The following PROKR1 variants were observed in gnomAD, a reference collection of about 807,000 sequenced individuals.
PROKR1 encodes the protein G protein-coupled receptor 73.
Under a neutral mutation model 22.8 loss-of-function variants are expected in PROKR1, and 21 were observed. The ratio of observed to expected loss-of-function variants is 0.92; its 90% confidence interval spans 0.65 to 1.32. PROKR1 has a LOEUF of 1.32. Ranked by LOEUF, PROKR1 falls within the 40% of genes most tolerant of loss-of-function variation. PROKR1 has a pLI of 0.00. For synonymous variants in PROKR1, 193 were observed against 207.5 expected, an observed-to-expected ratio of 0.93 and a Z score of 0.60; for missense variants, 548 against 514.2, an observed-to-expected ratio of 1.07 and a Z score of -0.64.
At chr2:68,647,236 ATCTT>A (rs1399842945) in intron 2 of PROKR1, among the ~76,000 whole-genome samples, 1 of 152,184 alleles carries the variant, frequency 6.6e-6, no homozygotes, top group Non-Finnish European at 1.5e-5. Flanking sequence ...GCCTCTGCAT[ATCTT>A]TCTTCAACTT....
chr2:68,646,214 G>C lies in PROKR1; in HGVS notation c.393G>C (p.Glu131Asp), dbSNP rs776242923. 4.3e-6 allele frequency: 7 copies of C among 1,612,456 alleles called. No individual in the cohort carries two copies. In the Admixed American group the frequency reaches 1.2e-4, roughly 27 times the overall value. The change falls in exon 2 of 3, where the codon GAG becomes GAC. Residue 131 changes from glutamate to aspartate, a missense_variant. Glu to Asp is a conservative substitution (Grantham distance 45, BLOSUM62 2). Coordinates refer to ENST00000303786, the MANE Select transcript of PROKR1 (RefSeq NM_138964.4). Reference protein sequence around the residue: ...DYYVVRQLSWEHGHVLCTSVN... With the variant: ...DYYVVRQLSWDHGHVLCTSVN... ...ATGTGGTGCGCCAGCTCTCCTGGGA[G>C]CACGGCCACGTCCTGTGCACCTCTG...
chr2:68,653,289 C>A (rs893301743), intron 2 of PROKR1, among the ~76,000 whole-genome samples: 1 of 152,164 alleles, frequency 6.6e-6, no homozygotes, highest in Non-Finnish European at 1.5e-5. Flanking sequence ...AGAGTGGGCG[C>A]AACCCATCCT....
chr2:68,647,688 TCC>T (rs56959341), intron 2 of PROKR1, among the ~76,000 whole-genome samples: 14,311 of 152,130 alleles, frequency 0.094, 1,969 homozygotes, highest in African/African-American at 0.3. Context: ...AAACTCTGCC[TCC>T]CTTCTCTAGG....
intron 2 of PROKR1, among the ~76,000 whole-genome samples, chr2:68,652,640 T>C (rs919700902): frequency 6.6e-6 from 1 of 151,676 alleles, no homozygotes; most frequent in African/African-American, 2.4e-5. Flanking sequence ...AATTGCTGTG[T>C]ATACAGAATA....
rs180712381 is a variant in PROKR1 at position 68,655,699 on chromosome 2, C to G, written c.*123C>G. 5 of 906,908 alleles carry G rather than the reference C, an allele frequency of 5.5e-6. No homozygotes were observed. In the Admixed American group the frequency reaches 1.0e-4, roughly 19 times the overall value. 56.2% of individuals were successfully genotyped at this position (906,908 alleles called of 1,614,324 possible). The stretch of plus-strand genomic sequence containing the variant: ...CAGAGGGTAAAGTAAATGGACCACT[C>G]TGTGAGCAATGTTTTCAAGGAGCTC... On this transcript the variant is annotated 3_prime_UTR_variant, in exon 3 of 3. Transcript: ENST00000303786.
In PROKR1 at chr2:68,657,733, AG is replaced by A. The variant is rs1673501847; in HGVS notation, c.*2158del. 6.6e-6 allele frequency: 1 copy of A among 152,200 alleles called. No homozygotes were observed. Among genetic ancestry groups the A allele is most frequent in the African/African-American group, 2.4e-5 (1 of 41,448 alleles). 9.4% of individuals were successfully genotyped at this position (152,200 alleles called of 1,614,324 possible). A position where few individuals can be genotyped will look rare whatever the true frequency, so the allele number is the denominator to read the frequency against. Reference sequence around the variant, plus strand: ...GTATGACATGTTCCCCTCCAAATATAGTCAACTCCTTATTTTGGGCAGCAAA... The same window carrying A: ...GTATGACATGTTCCCCTCCAAATATATCAACTCCTTATTTTGGGCAGCAAA... On this transcript the variant is annotated 3_prime_UTR_variant, in exon 3 of 3. Coordinates refer to ENST00000303786, the MANE Select transcript of PROKR1 (RefSeq NM_138964.4).
In PROKR1 at chr2:68,645,808, C is replaced by T; in HGVS notation, c.-14C>T. 1 of 1,614,200 alleles carries T rather than the reference C, an allele frequency of 6.2e-7. No individual in the cohort carries two copies. The highest frequency in any genetic ancestry group is 1.3e-5 in the African/African-American group (1 of 75,044). The stretch of plus-strand genomic sequence containing the variant: ...GAATTCTGAGCAGTGTTGCTCACAG[C>T]ACCACCTGGCCAGATGGAGACCACC... On this transcript the variant is annotated 5_prime_UTR_variant, in exon 2 of 3. Transcript: ENST00000303786.
At position 68,645,953 on chromosome 2, in the gene PROKR1, G is replaced by A; in HGVS notation, c.132G>A (p.Met44Ile). The A allele has an allele frequency of 6.2e-7, 1 of 1,614,224 alleles. No individual in the cohort carries two copies. The highest frequency in any genetic ancestry group is 8.5e-7 in the Non-Finnish European group (1 of 1,180,038). The change falls in exon 2 of 3, where the codon ATG (methionine) becomes ATA (isoleucine). Residue 44 changes from methionine to isoleucine, a missense_variant. Transcript: ENST00000303786. ...ACTTCAGCTACAGCGACTATGATAT[G>A]CCTTTGGATGAAGATGAGGATGTGA... ...PFNFSYSDYD[M>I]PLDEDEDVTN... is the part of the protein sequence containing the mutation.
chr2:68,655,534 G>C lies in PROKR1; in HGVS notation c.1140G>C (p.Gly380=), dbSNP rs141401884. 6 of 1,614,208 alleles carry C rather than the reference G, an allele frequency of 3.7e-6. No homozygotes were observed. Among genetic ancestry groups the C allele is most frequent in the African/African-American group, 1.3e-5 (1 of 75,054 alleles). The change falls in exon 3 of 3, where the codon GGG becomes GGC. Residue 380 remains glycine, a synonymous_variant. Transcript: ENST00000303786. The part of the protein sequence containing the change: ...SSADLDLKTI[G]MPATEEVDCI... The stretch of plus-strand genomic sequence containing the variant: ...CAGACCTGGACCTCAAGACAATTGG[G>C]ATGCCTGCCACCGAAGAGGTGGACT...
chr2:68,650,687 T>G (rs1673297412), intron 2 of PROKR1, among the ~76,000 whole-genome samples: 1 of 151,636 alleles, frequency 6.6e-6, no homozygotes, highest in Non-Finnish European at 1.5e-5. Context: ...CATCTAGAGT[T>G]GGGGGTAGGG....
In PROKR1 at chr2:68,655,748, C is replaced by G. The variant is rs773003043; in HGVS notation, c.*172C>G. The G allele has an allele frequency of 1.5e-4, 102 of 668,842 alleles. No individual in the cohort carries two copies. The highest frequency in any genetic ancestry group is 3.1e-4 in the Admixed American group (13 of 41,298). 41.4% of individuals were successfully genotyped at this position (668,842 alleles called of 1,614,324 possible). On this transcript the variant is annotated 3_prime_UTR_variant, in exon 3 of 3. Coordinates refer to ENST00000303786, the MANE Select transcript of PROKR1 (RefSeq NM_138964.4). Reference sequence around the variant, plus strand: ...TCAGAGTTTCTAAAATGCATGTGACCAGACACTATCAACAGTGGCATTTGC... The same window carrying G: ...TCAGAGTTTCTAAAATGCATGTGACGAGACACTATCAACAGTGGCATTTGC...
At position 68,649,219 on chromosome 2, in the gene PROKR1, G is replaced by T. The variant is rs1673256087; in HGVS notation, c.485+2913G>T. Among the ~76,000 whole-genome samples the T allele has an allele frequency of 1.3e-5, 2 of 152,058 alleles. 1 individual carries two copies. Among genetic ancestry groups the T allele is most frequent in the South Asian group, 4.2e-4 (2 of 4,818 alleles). On this transcript the variant is annotated intron_variant, in intron 2 of 2. Coordinates refer to ENST00000303786, the MANE Select transcript of PROKR1 (RefSeq NM_138964.4). ...CTGCTTGTATTTGTCTATATTATTG[G>T]TTCCATTGTTCTCCGAGGCATCTAA...
intron 2 of PROKR1, among the ~76,000 whole-genome samples, chr2:68,647,300 G>T (rs535666188): frequency 6.6e-6 from 1 of 152,254 alleles, no homozygotes; most frequent in Admixed American, 6.5e-5. Context: ...GCTGGTCTTT[G>T]TTCCTCGGGG....
rs965947626 is a variant in PROKR1, at chr2:68,656,311, C to T, written c.*735C>T. ...CCTGGAGTAAGTCCAGAGGGGGAAG[C>T]CTGGATTCAGGGTAAGCATGTCCCC... On this transcript the variant is annotated 3_prime_UTR_variant, in exon 3 of 3. Coordinates refer to ENST00000303786, the MANE Select transcript of PROKR1 (RefSeq NM_138964.4). The T allele has an allele frequency of 3.3e-5, 5 of 152,984 alleles. No individual in the cohort carries two copies. The highest frequency in any genetic ancestry group is 1.3e-4 in the Admixed American group (2 of 15,372). The allele number at this position is 152,984 out of a possible 1,614,324, so 9.5% of individuals were successfully genotyped here. A position where few individuals can be genotyped will look rare whatever the true frequency, so the allele number is the denominator to read the frequency against.
chr2:68,655,582 T>G lies in PROKR1; in HGVS notation c.*6T>G, dbSNP rs772015349. 1 of 1,612,754 alleles carries G rather than the reference T, an allele frequency of 6.2e-7. No homozygotes were observed. Among genetic ancestry groups the G allele is most frequent in the East Asian group, 2.2e-5 (1 of 44,884 alleles). ...ACTGCATCAGACTAAAATAACCCCCTGGACTTTGCAAAGTTTAAACACAAA... is the reference window on the plus strand; with the variant it reads ...ACTGCATCAGACTAAAATAACCCCCGGGACTTTGCAAAGTTTAAACACAAA... On this transcript the variant is annotated 3_prime_UTR_variant, in exon 3 of 3. Coordinates refer to ENST00000303786, the MANE Select transcript of PROKR1 (RefSeq NM_138964.4).
At chr2:68,644,050 C>T (rs1673122743) in intron 1 of PROKR1, among the ~76,000 whole-genome samples, 1 of 152,108 alleles carries the variant, frequency 6.6e-6, no homozygotes, top group South Asian at 2.1e-4. Flanking sequence ...TGGGAGCAGG[C>T]GGGGGACTTG....
chr2:68,650,199 T>C lies in PROKR1; in HGVS notation c.485+3893T>C, dbSNP rs1673284373. On this transcript the variant is annotated intron_variant, in intron 2 of 2. Coordinates refer to ENST00000303786, the MANE Select transcript of PROKR1 (RefSeq NM_138964.4). ...ACCTGCACAATGTGCACATGTACCCTAAAACTTAAAGTATAAAAAAAAAAG... is the reference window on the plus strand; with the variant it reads ...ACCTGCACAATGTGCACATGTACCCCAAAACTTAAAGTATAAAAAAAAAAG... 3.3e-5 allele frequency among the ~76,000 whole-genome samples: 5 copies of C among 151,582 alleles called. No homozygotes were observed. The South Asian group carries it at 1.0e-3, about 32-fold the overall frequency.
At position 68,645,845 on chromosome 2, in the gene PROKR1, G is replaced by A. The variant is rs749820733; in HGVS notation, c.24G>A (p.Met8Ile). METTMGFMDDNATNTSTS... is the reference protein window; with the variant it reads METTMGFIDDNATNTSTS... ...AGATGGAGACCACCATGGGGTTCAT[G>A]GATGACAATGCCACCAACACTTCCA... Residue 8 changes from methionine (M) to isoleucine (I), a missense_variant, in exon 2 of 3, where the codon ATG becomes ATA. By Grantham distance (10) the Met-to-Ile change is conservative. Transcript: ENST00000303786. 6.2e-7 allele frequency: 1 copy of A among 1,614,216 alleles called. No individual in the cohort carries two copies. The highest frequency in any genetic ancestry group is 8.5e-7 in the Non-Finnish European group (1 of 1,180,052).
In PROKR1 at chr2:68,657,533, T is replaced by C. The variant is rs960196397; in HGVS notation, c.*1957T>C. On this transcript the variant is annotated 3_prime_UTR_variant, in exon 3 of 3. Coordinates refer to ENST00000303786, the MANE Select transcript of PROKR1 (RefSeq NM_138964.4). ...CAGAATCGGAGTATCTTTGTGATAC[T>C]AGAAGTGCTGATCATCTTCCCATGA... The C allele has an allele frequency of 6.6e-6, 1 of 152,358 alleles. No homozygotes were observed. The highest frequency in any genetic ancestry group is 2.4e-5 in the African/African-American group (1 of 41,568). The allele number at this position is 152,358 out of a possible 1,614,324, so 9.4% of individuals were successfully genotyped here. A position where few individuals can be genotyped will look rare whatever the true frequency, so the allele number is the denominator to read the frequency against.
Sources: allele counts gnomAD v4.1 joint callset (sites outside exome capture counted in the v4.1 genomes callset), GRCh38; gene constraint gnomAD v4.1.1; transcripts MANE v1.5; gene names NCBI Gene and HGNC (gene_info 2026-07-23, HGNC 2026-07-21).